Variants in SEMA6A observed in about 807,000 individuals in gnomAD.
SEMA6A encodes the protein semaphorin-6A.
SEMA6A carries 25 observed loss-of-function variants against 96.8 expected under a neutral mutation model. The observed-to-expected ratio is 0.26, with a 90% CI of 0.19 to 0.36. The LOEUF (loss-of-function observed/expected upper bound fraction) is 0.36. SEMA6A is among the 10% of genes least tolerant of loss of function. The pLI is 1.00. For missense variants in SEMA6A, 1,363 were observed against 1,323.1 expected (o/e 1.03, Z -0.47); for synonymous variants, 612 against 518.0 (o/e 1.18, Z -2.46).
chr5:116,473,206 A>T, intron 16 of SEMA6A, 113 bp from the exon 17 acceptor site: 1 of 991,498 alleles, frequency 1.0e-6, no homozygotes, highest in Non-Finnish European at 1.5e-6. Flanking sequence ...GGTCCCCGAT[A>T]CTAAGTAAGT....
intron 1 of SEMA6A, chr5:116,507,944 T>A (rs1251566652): frequency 1.3e-5 from 2 of 152,236 alleles, no homozygotes; most frequent in African/African-American, 4.8e-5. Flanking sequence ...TTAATAGGCA[T>A]CTGCTTGGTG....
chr5:116,572,348 G>C (rs1292120415), intron 1 of SEMA6A, among the ~76,000 whole-genome samples: 1 of 152,212 alleles, frequency 6.6e-6, no homozygotes, highest in Non-Finnish European at 1.5e-5. Flanking sequence ...GGCCACCGCA[G>C]TTCCAAAGCA....
At chr5:116,448,559 A>G (rs1420142692) in intron 18 of SEMA6A, among the ~76,000 whole-genome samples, 1 of 152,126 alleles carries the variant, frequency 6.6e-6, no homozygotes, top group African/African-American at 2.4e-5. Context: ...TAGACAAACA[A>G]ATCACACACT....
chr5:116,524,886 C>G (rs1003615163), intron 1 of SEMA6A, among the ~76,000 whole-genome samples: 14 of 150,920 alleles, frequency 9.3e-5, no homozygotes, highest in African/African-American at 3.4e-4. Flanking sequence ...GACAAGGAAA[C>G]AAGGAAACCA....
intron 1 of SEMA6A, among the ~76,000 whole-genome samples, chr5:116,515,144 G>A (rs533010828): frequency 5.3e-5 from 8 of 152,298 alleles, no homozygotes; most frequent in South Asian, 2.1e-4. Context: ...AGACAGCAGC[G>A]TGTTAAAACA....
At chr5:116,503,878 A>C (rs990069714) in intron 2 of SEMA6A, among the ~76,000 whole-genome samples, 3 of 152,184 alleles carry the variant, frequency 2.0e-5, no homozygotes, top group African/African-American at 7.2e-5. Context: ...AAATAAATAA[A>C]TGTTTATTAA....
chr5:116,448,555 A>G (rs572920592), intron 18 of SEMA6A, among the ~76,000 whole-genome samples: 3 of 152,278 alleles, frequency 2.0e-5, no homozygotes, highest in Non-Finnish European at 4.4e-5. Context: ...ATGTTAGACA[A>G]ACAAATCACA....
rs560542055 is a variant in SEMA6A, at chr5:116,573,681, C to T, written c.-39+504G>A. 9.2e-5 allele frequency among the ~76,000 whole-genome samples: 14 copies of T among 152,226 alleles called. No homozygotes were observed. In the South Asian group the frequency reaches 2.7e-3, roughly 29 times the overall value. On this transcript the variant is annotated intron_variant, in intron 1 of 18. Transcript: ENST00000343348. The stretch of plus-strand genomic sequence containing the variant: ...ATTCTCTCCGCTTCCACACCGTCTC[C>T]GCGGAACCCCTTCTCCCACCTGGCA...
At chr5:116,520,044 G>A (rs1758861682) in intron 1 of SEMA6A, among the ~76,000 whole-genome samples, 1 of 151,902 alleles carries the variant, frequency 6.6e-6, no homozygotes, top group African/African-American at 2.4e-5. Context: ...CTCTATTCTG[G>A]GCACAAAAGG....
intron 1 of SEMA6A, among the ~76,000 whole-genome samples, chr5:116,524,338 T>TA (rs1404235781): frequency 6.6e-6 from 1 of 152,248 alleles, no homozygotes; most frequent in Non-Finnish European, 1.5e-5. Context: ...GCATTGTTAG[T>TA]AACTGACTAT....
At chr5:116,567,753 C>T (rs1460432326) in intron 1 of SEMA6A, among the ~76,000 whole-genome samples, 1 of 152,184 alleles carries the variant, frequency 6.6e-6, no homozygotes, top group African/African-American at 2.4e-5. Flanking sequence ...CATTTATTAA[C>T]CTCACGCCAC....
chr5:116,495,402 A>G lies in SEMA6A; in HGVS notation c.444+11T>C. 1 of 1,594,306 alleles carries G rather than the reference A, an allele frequency of 6.3e-7. No individual in the cohort carries two copies. The highest frequency in any genetic ancestry group is 8.6e-7 in the Non-Finnish European group (1 of 1,166,522). On this transcript the variant is annotated intron_variant, in intron 6 of 18. Transcript: ENST00000343348. ...CTGGCAGTGTGGTTCCAACCGACAA[A>G]TAGCATTTACCTTATAGTTTCTGCA...
At chr5:116,471,487 C>T (rs925640327) in intron 17 of SEMA6A, 5 of 152,096 alleles carry the variant, frequency 3.3e-5, no homozygotes, top group African/African-American at 1.2e-4. Flanking sequence ...AGGAAATGAT[C>T]GCAAAGTATC....
At chr5:116,524,253 G>A (rs1291945021) in intron 1 of SEMA6A, among the ~76,000 whole-genome samples, 1 of 152,138 alleles carries the variant, frequency 6.6e-6, no homozygotes, top group Admixed American at 6.6e-5. Flanking sequence ...CTATCTCCCA[G>A]CCTTATCAAA....
rs948325447 is a variant in SEMA6A, at chr5:116,444,326, C to G, written c.*2287G>C. 1 of 152,080 alleles carries G rather than the reference C, an allele frequency of 6.6e-6. No individual in the cohort carries two copies. The allele number at this position is 152,080 out of a possible 1,614,324, so 9.4% of individuals were successfully genotyped here. ...GGAACAAAGGGCTCTCACCCACCCT[C>G]AGCTAAGTACTCAGGTCTGAAGGCA... On this transcript the variant is annotated 3_prime_UTR_variant, in exon 19 of 19. Coordinates refer to ENST00000343348, the MANE Select transcript of SEMA6A (RefSeq NM_020796.5).
At chr5:116,516,216 C>A (rs1758661626) in intron 1 of SEMA6A, among the ~76,000 whole-genome samples, 1 of 152,138 alleles carries the variant, frequency 6.6e-6, no homozygotes, top group Non-Finnish European at 1.5e-5. Flanking sequence ...GGATCTGCTC[C>A]ATAACCAAGC....
rs151119783 is a variant in SEMA6A, at chr5:116,491,573, A to G, written c.535+167T>C. 7.2e-5 allele frequency among the ~76,000 whole-genome samples: 11 copies of G among 152,272 alleles called. No individual in the cohort carries two copies. The East Asian group carries it at 1.9e-3, about 27-fold the overall frequency. On this transcript the variant is annotated intron_variant, in intron 7 of 18. Transcript: ENST00000343348. ...TGGGTAAGTGAAGCAAAGACTTGCA[A>G]AAGTACAATTTTCATACTAATTTCA...
At chr5:116,547,217 T>G (rs940294324) in intron 1 of SEMA6A, among the ~76,000 whole-genome samples, 2 of 152,230 alleles carry the variant, frequency 1.3e-5, no homozygotes, top group South Asian at 4.1e-4. Flanking sequence ...ACTGTGGACA[T>G]GCATACAAGT....
intron 4 of SEMA6A, 77 bp from the exon 5 acceptor site, chr5:116,496,390 G>A: frequency 1.6e-5 from 19 of 1,193,482 alleles, no homozygotes; most frequent in Non-Finnish European, 2.4e-5. Context: ...GTTCCCTTGG[G>A]GAGACTAAAG....
Sources: allele counts gnomAD v4.1 joint callset (sites outside exome capture counted in the v4.1 genomes callset), GRCh38; gene constraint gnomAD v4.1.1; transcripts MANE v1.5; gene names NCBI Gene and HGNC (gene_info 2026-07-23, HGNC 2026-07-21).